GRHL2: variants seen among roughly 807,000 people sequenced by gnomAD.
GRHL2 encodes the protein grainyhead-like protein 2 homolog.
GRHL2 carries 21 observed loss-of-function variants against 83.8 expected under a neutral mutation model. The observed-to-expected ratio is 0.25, with a 90% CI of 0.18 to 0.36. The LOEUF is 0.36. Ranked by LOEUF, GRHL2 falls within the 10% of genes least tolerant of loss-of-function variation. The pLI, the probability that GRHL2 is intolerant of heterozygous loss-of-function variation, is 1.00. For synonymous variants in GRHL2, 280 were observed against 278.9 expected (o/e 1.00, Z -0.04); for missense variants, 623 against 781.8 (o/e 0.80, Z 2.42).
chr8:101,624,276 ATAG>A (rs1249802511), intron 9 of GRHL2, among the ~76,000 whole-genome samples: 1 of 152,026 alleles, frequency 6.6e-6, no homozygotes. Context: ...AGGACAGTAC[ATAG>A]TAGGACAGTT....
chr8:101,663,633 A>AT (rs1255931947), intron 14 of GRHL2, among the ~76,000 whole-genome samples: 1,526 of 147,732 alleles, frequency 0.01, 19 homozygotes, highest in South Asian at 0.038. Flanking sequence ...AAATAAATAA[A>AT]TAAATAAATA....
At chr8:101,670,695 G>A (rs1278249625), downstream of GRHL2, among the ~76,000 whole-genome samples, 1 of 152,196 alleles carries the variant, frequency 6.6e-6, no homozygotes, top group Non-Finnish European at 1.5e-5. Flanking sequence ...CTTGGCCTGT[G>A]GCAGCCACGG....
intron 4 of GRHL2, among the ~76,000 whole-genome samples, chr8:101,566,728 A>C (rs1337467129): frequency 6.6e-6 from 1 of 151,580 alleles, no homozygotes; most frequent in Admixed American, 6.6e-5. Context: ...GAAACATTGC[A>C]CTCTGTTAGG....
chr8:101,601,700 T>C (rs4734545), intron 8 of GRHL2, among the ~76,000 whole-genome samples: 78,629 of 152,144 alleles, frequency 0.52, 22,264 homozygotes, highest in African/African-American at 0.75. Flanking sequence ...TTTTAAGTGA[T>C]TATTACTTGG....
the GRHL2 span, among the ~76,000 whole-genome samples, chr8:101,675,405 T>A: frequency 6.6e-6 from 1 of 152,144 alleles, no homozygotes; most frequent in African/African-American, 2.4e-5. Context: ...AGCATTCTTA[T>A]ACACCAATAA....
Position 101,619,605 on chromosome 8 carries a change from T to C in GRHL2, c.1165T>C (p.Leu389=), listed in dbSNP as rs761599311. 2 of 1,613,366 alleles carry C rather than the reference T, an allele frequency of 1.2e-6. No individual in the cohort carries two copies. The highest frequency in any genetic ancestry group is 1.7e-6 in the Non-Finnish European group (2 of 1,179,374). ...CCAAAAAGGGGTGAAAGGACTTCCT[T>C]TGATGATTCAGATTGACACATACAG... The part of the protein sequence containing the change: ...SSQKGVKGLP[L]MIQIDTYSYN... The change falls in exon 9 of 16, where the codon TTG becomes CTG. Residue 389 remains leucine, a synonymous_variant. Coordinates refer to ENST00000646743, the MANE Select transcript of GRHL2 (RefSeq NM_024915.4).
chr8:101,541,814 A>G (rs988601621), intron 1 of GRHL2, among the ~76,000 whole-genome samples: 1 of 152,154 alleles, frequency 6.6e-6, no homozygotes, highest in Non-Finnish European at 1.5e-5. Context: ...TCACCTGAAG[A>G]CATTGCCTTG....
At chr8:101,562,453 G>A in intron 4 of GRHL2, 1 of 428,590 alleles carries the variant, frequency 2.3e-6, no homozygotes, top group Non-Finnish European at 4.2e-6. Flanking sequence ...CAGGGTAGAT[G>A]GGCCCTGAAC....
At chr8:101,664,269 TTGAA>T (rs1484032566) in intron 14 of GRHL2, among the ~76,000 whole-genome samples, 181 bp from the exon 15 acceptor site, 1 of 152,230 alleles carries the variant, frequency 6.6e-6, no homozygotes, top group African/African-American at 2.4e-5. Context: ...GGGTTTTTTG[TTGAA>T]TGATTTAAAG....
chr8:101,515,583 A>C (rs1026142481), intron 1 of GRHL2, among the ~76,000 whole-genome samples: 58 of 152,144 alleles, frequency 3.8e-4, no homozygotes, highest in African/African-American at 1.3e-3. Context: ...GAGGCAGCTT[A>C]AGTGTTTTCA....
chr8:101,673,132 G>GAA (rs1202916661), downstream of GRHL2, among the ~76,000 whole-genome samples: 5 of 151,676 alleles, frequency 3.3e-5, no homozygotes, highest in East Asian at 9.7e-4. Flanking sequence ...AGACTAGGAA[G>GAA]AAACTGCATC....
chr8:101,562,694 A>C (rs1272331753), intron 4 of GRHL2, among the ~76,000 whole-genome samples: 3 of 152,208 alleles, frequency 2.0e-5, no homozygotes, highest in Non-Finnish European at 4.4e-5. Flanking sequence ...AATTTGTGAT[A>C]TAATTGTTGG....
At chr8:101,609,155 G>GA (rs1812696437) in intron 8 of GRHL2, among the ~76,000 whole-genome samples, 1 of 150,356 alleles carries the variant, frequency 6.7e-6, no homozygotes, top group African/African-American at 2.5e-5. Flanking sequence ...TGTAGAGGGA[G>GA]GGGAGCTGGA....
chr8:101,627,383 T>C (rs755468), intron 9 of GRHL2, among the ~76,000 whole-genome samples: 39,874 of 151,946 alleles, frequency 0.26, 5,401 homozygotes, highest in South Asian at 0.34. Context: ...GGTGTTACTA[T>C]TGTAATTGTT....
At chr8:101,612,399 G>A (rs1014829314) in intron 8 of GRHL2, among the ~76,000 whole-genome samples, 1 of 150,586 alleles carries the variant, frequency 6.6e-6, no homozygotes, top group South Asian at 2.1e-4. Flanking sequence ...TTCCTTGAGG[G>A]CAGGGCCCTG....
intron 1 of GRHL2, among the ~76,000 whole-genome samples, chr8:101,510,225 G>A (rs1810435415): frequency 6.6e-6 from 1 of 152,070 alleles, no homozygotes; most frequent in Non-Finnish European, 1.5e-5. Flanking sequence ...TCGAACTCCT[G>A]GGCTCGAGTG....
At chr8:101,672,263 A>G (rs912476406), downstream of GRHL2, among the ~76,000 whole-genome samples, 8 of 151,852 alleles carry the variant, frequency 5.3e-5, 1 homozygote, top group Admixed American at 1.3e-4. Context: ...TCCGAGCTAC[A>G]GGAGGAAATT....
intron 2 of GRHL2, among the ~76,000 whole-genome samples, chr8:101,545,319 T>A (rs1467352996): frequency 6.6e-6 from 1 of 152,042 alleles, no homozygotes; most frequent in African/African-American, 2.4e-5. Flanking sequence ...CCAGCAGGAC[T>A]CCTGACATAG....
At chr8:101,573,577 T>C in intron 5 of GRHL2, 91 bp from the exon 6 acceptor site, 1 of 1,468,968 alleles carries the variant, frequency 6.8e-7, no homozygotes, top group South Asian at 1.1e-5. Context: ...CATTGGTTAA[T>C]GTTCATGTGA....
Sources: gnomAD v4.1 joint callset for allele counts (sites outside exome capture counted in the v4.1 genomes callset) on GRCh38, gnomAD v4.1.1 for gene constraint, MANE v1.5 for transcripts, NCBI Gene and HGNC (gene_info 2026-07-23, HGNC 2026-07-21) for gene names.